Variants in LUC7L observed in about 807,000 individuals in gnomAD.
LUC7L encodes the protein LUC7 like.
A neutral mutation model predicts 51.1 loss-of-function variants in LUC7L; 29 were observed. The observed-to-expected ratio is 0.57, with a 90% CI of 0.42 to 0.77. LUC7L has a LOEUF of 0.77. Among genes scored for constraint, LUC7L ranks in the 30% least tolerant of loss-of-function variants. LUC7L has a pLI of 0.00. For synonymous variants in LUC7L, 181 were observed against 180.7 expected, an observed-to-expected ratio of 1.00 and a Z score of -0.01; for missense variants, 403 against 511.9, an observed-to-expected ratio of 0.79 and a Z score of 2.05.
At chr16:220,449 T>G (rs1025701597) in intron 3 of LUC7L, 200 bp downstream of exon 3, 3 of 507,312 alleles carry the variant, frequency 5.9e-6, no homozygotes, top group African/African-American at 5.8e-5. Context: ...ATAACACATA[T>G]TATCATTTAG....
chr16:209,588 G>C (rs1221486579), intron 3 of LUC7L: 1 of 151,818 alleles, frequency 6.6e-6, no homozygotes, highest in Non-Finnish European at 1.5e-5. Flanking sequence ...GCTTGCTAAT[G>C]TCAGCATCAT....
rs543255409 is a variant in LUC7L, at chr16:202,828, C to T, written c.510+3176G>A. Among the ~76,000 whole-genome samples, 497 of 152,262 alleles carry T rather than the reference C, an allele frequency of 3.3e-3. 1 individual carries two copies. The highest frequency in any genetic ancestry group is 0.011 in the African/African-American group (466 of 41,558). ...AACAACAACTCCATGCCCACAAAAGCGATAAACTAGATGAAATGGACCGAT... is the reference window on the plus strand; with the variant it reads ...AACAACAACTCCATGCCCACAAAAGTGATAAACTAGATGAAATGGACCGAT... On this transcript the variant is annotated intron_variant, in intron 5 of 9. Transcript: ENST00000293872.
At chr16:193,801 A>G (rs1426982936) in intron 6 of LUC7L, among the ~76,000 whole-genome samples, 2 of 128,828 alleles carry the variant, frequency 1.6e-5, no homozygotes, top group Non-Finnish European at 3.3e-5. Flanking sequence ...CCTCGTTTAC[A>G]TTTACTTTTT....
At chr16:213,347 T>C (rs2049698334) in intron 3 of LUC7L, among the ~76,000 whole-genome samples, 1 of 151,878 alleles carries the variant, frequency 6.6e-6, no homozygotes, top group Non-Finnish European at 1.5e-5. Context: ...AGGAGTTCCA[T>C]CCATCAAGCT....
chr16:211,110 C>G (rs2142084355), intron 3 of LUC7L, among the ~76,000 whole-genome samples: 1 of 149,372 alleles, frequency 6.7e-6, no homozygotes, highest in East Asian at 2.0e-4. Context: ...CGCCTGTAAT[C>G]CCAACACTTT....
Position 229,440 on chromosome 16 carries a change from T to A in LUC7L, c.-101A>T. The A allele has an allele frequency of 9.3e-7, 1 of 1,076,672 alleles. No individual in the cohort carries two copies. Among genetic ancestry groups the A allele is most frequent in the Non-Finnish European group, 1.3e-6 (1 of 794,816 alleles). The allele number at this position is 1,076,672 out of a possible 1,614,324, so 66.7% of individuals were successfully genotyped here. A position where few individuals can be genotyped will look rare whatever the true frequency, so the allele number is the denominator to read the frequency against. On this transcript the variant is annotated 5_prime_UTR_variant, in exon 1 of 10. Coordinates refer to ENST00000293872, the MANE Select transcript of LUC7L (RefSeq NM_201412.3). Reference sequence around the variant, plus strand: ...ATGGTCGCGTCGGCCTCGAGCCCACTCGGCTCTTTCCCGCCGCGGGGGACG... The same window carrying A: ...ATGGTCGCGTCGGCCTCGAGCCCACACGGCTCTTTCCCGCCGCGGGGGACG...
rs781038752 is a variant in LUC7L, at chr16:190,581, G to GA, written c.777-12dup. ...GTTCTTGATCCCGACCTAAAAGGGG[G>GA]AAAAAAAGATGAACAAGGCCAGGCA... On this transcript the variant is annotated splice_polypyrimidine_tract_variant and intron_variant, in intron 7 of 9. Transcript: ENST00000293872. 1.7e-5 allele frequency: 27 copies of GA among 1,612,340 alleles called. No homozygotes were observed. The African/African-American group carries it at 3.5e-4, about 21-fold the overall frequency.
At chr16:200,707 C>T (rs1291985156) in intron 5 of LUC7L, among the ~76,000 whole-genome samples, 1 of 152,130 alleles carries the variant, frequency 6.6e-6, no homozygotes, top group Non-Finnish European at 1.5e-5. Context: ...CACAGCAAGA[C>T]TCAGTCTCTA....
chr16:194,855 AAGAC>A (rs2049107009), intron 6 of LUC7L, among the ~76,000 whole-genome samples: 1 of 152,182 alleles, frequency 6.6e-6, no homozygotes, highest in Admixed American at 6.6e-5. Context: ...TATCAACTCT[AAGAC>A]ATTTAATGCC....
chr16:229,059 G>C, intron 1 of LUC7L: 11 of 1,418,746 alleles, frequency 7.8e-6, no homozygotes, highest in Non-Finnish European at 1.0e-5. Flanking sequence ...CCCATCCATG[G>C]CGCAGACTCC....
rs1375480454 is a variant in LUC7L, at chr16:229,061, G to A, written c.61+218C>T. On this transcript the variant is annotated intron_variant, in intron 1 of 9. Transcript: ENST00000293872. ...AGGAGGCTGAAGCCCCATCCATGGC[G>A]CAGACTCCGAGAGAGGAGCCCGACC... 2.0e-5 allele frequency: 28 copies of A among 1,417,498 alleles called. No homozygotes were observed. The Admixed American group carries it at 7.0e-4, about 36-fold the overall frequency. 87.8% of individuals were successfully genotyped at this position (1,417,498 alleles called of 1,614,324 possible). A position where few individuals can be genotyped will look rare whatever the true frequency, so the allele number is the denominator to read the frequency against.
At chr16:224,395 T>G (rs569910779) in intron 2 of LUC7L, among the ~76,000 whole-genome samples, 1 of 151,458 alleles carries the variant, frequency 6.6e-6, no homozygotes, top group East Asian at 2.0e-4. Context: ...AGCGCACGTT[T>G]GTAATCCCAG....
chr16:205,986 G>A lies in LUC7L; in HGVS notation c.510+18C>T, dbSNP rs972133667. The stretch of plus-strand genomic sequence containing the variant: ...ATTACTAAGATTTCTCTTGCCCTAA[G>A]GCACTTATCTCACCAACCTCAGCTT... On this transcript the variant is annotated intron_variant, in intron 5 of 9. Transcript: ENST00000293872. 5.6e-6 allele frequency: 9 copies of A among 1,604,394 alleles called. No individual in the cohort carries two copies. The highest frequency in any genetic ancestry group is 7.6e-6 in the Non-Finnish European group (9 of 1,177,706).
Position 205,275 on chromosome 16 carries a change from G to C in LUC7L, c.510+729C>G, listed in dbSNP as rs539775540. On this transcript the variant is annotated intron_variant, in intron 5 of 9. Coordinates refer to ENST00000293872, the MANE Select transcript of LUC7L (RefSeq NM_201412.3). ...AGGGATCCTCTCATCTCAGCCTCCC[G>C]AACAGCTGAGACTAAAGCCAAGAGC... 2.6e-5 allele frequency among the ~76,000 whole-genome samples: 4 copies of C among 152,196 alleles called. No homozygotes were observed. In the South Asian group the frequency reaches 8.3e-4, roughly 32 times the overall value.
chr16:200,764 C>T (rs1474034493), intron 5 of LUC7L, among the ~76,000 whole-genome samples: 2 of 151,918 alleles, frequency 1.3e-5, no homozygotes, highest in African/African-American at 4.8e-5. Flanking sequence ...TGCCTATAGT[C>T]CCACCTACTC....
At chr16:197,996 C>T (rs1399523946) in intron 6 of LUC7L, among the ~76,000 whole-genome samples, 7 of 152,018 alleles carry the variant, frequency 4.6e-5, no homozygotes, top group African/African-American at 1.7e-4. Flanking sequence ...CGGCCGGGTG[C>T]GGTGGCTCAC....
chr16:222,510 T>C (rs1404962066), intron 2 of LUC7L, among the ~76,000 whole-genome samples: 1 of 152,010 alleles, frequency 6.6e-6, no homozygotes, highest in Non-Finnish European at 1.5e-5. Context: ...TGGTGGTATG[T>C]GCCTGTAGTC....
chr16:220,780 G>T, intron 2 of LUC7L, 33 bp from the exon 3 acceptor site: 1 of 1,416,346 alleles, frequency 7.1e-7, no homozygotes, highest in Non-Finnish European at 1.0e-6. Flanking sequence ...GCAGACCTCA[G>T]TGCCTACCTA....
At chr16:218,530 G>A (rs2142103329) in intron 3 of LUC7L, among the ~76,000 whole-genome samples, 1 of 152,236 alleles carries the variant, frequency 6.6e-6, no homozygotes, top group African/African-American at 2.4e-5. Flanking sequence ...AGATGAGCCT[G>A]GCCAACATGG....
Sources: gnomAD v4.1 joint callset for allele counts (sites outside exome capture counted in the v4.1 genomes callset) on GRCh38, gnomAD v4.1.1 for gene constraint, MANE v1.5 for transcripts, NCBI Gene and HGNC (gene_info 2026-07-23, HGNC 2026-07-21) for gene names.